ANKDD1B: variants seen among roughly 807,000 people sequenced by gnomAD.
ANKDD1B encodes the protein ankyrin repeat and death domain-containing protein 1B.
In ANKDD1B, 57 loss-of-function variants were observed where a neutral mutation model predicts 59.7. The observed-to-expected ratio is 0.95, with a 90% CI of 0.77 to 1.19. ANKDD1B has a LOEUF of 1.19. Among genes scored for constraint, ANKDD1B ranks in the 50% most tolerant of loss-of-function variants. The pLI, the probability that ANKDD1B is intolerant of heterozygous loss-of-function variation, is 0.00. For missense variants in ANKDD1B, 602 were observed against 641.9 expected (o/e 0.94, Z 0.67); for synonymous variants, 216 against 239.5 (o/e 0.90, Z 0.91).
At chr5:75,613,673 TGAAGAA>T (rs373654538) in intron 1 of ANKDD1B, among the ~76,000 whole-genome samples, 1 of 152,192 alleles carries the variant, frequency 6.6e-6, no homozygotes, top group Non-Finnish European at 1.5e-5. Context: ...TATGACATGT[TGAAGAA>T]GGGAAGACTA....
intron 7 of ANKDD1B, among the ~76,000 whole-genome samples, chr5:75,650,491 G>T (rs1774799873): frequency 1.3e-5 from 2 of 152,074 alleles, no homozygotes; most frequent in South Asian, 2.1e-4. Context: ...TAGCCCAGTG[G>T]GATCCATTTC....
intron 10 of ANKDD1B, among the ~76,000 whole-genome samples, chr5:75,661,368 G>A (rs1775137366): frequency 8.7e-6 from 1 of 114,826 alleles, no homozygotes; most frequent in East Asian, 3.1e-4. Context: ...GTGCACTCCA[G>A]TCTGGGTGAA....
chr5:75,652,368 A>G lies in ANKDD1B; in HGVS notation c.799-774A>G, dbSNP rs372668461. On this transcript the variant is annotated intron_variant, in intron 7 of 13. Transcript: ENST00000601380. ...AGACACTTAGAAAAAAACAATTAGG[A>G]AAAAACCACAATTGCTTTTGTACCA... 2.0e-3 allele frequency among the ~76,000 whole-genome samples: 300 copies of G among 152,278 alleles called. 1 individual carries two copies. The highest frequency in any genetic ancestry group is 7.0e-3 in the African/African-American group (289 of 41,574).
At chr5:75,617,953 G>T (rs1773755297) in intron 2 of ANKDD1B, among the ~76,000 whole-genome samples, 1 of 152,046 alleles carries the variant, frequency 6.6e-6, no homozygotes, top group Non-Finnish European at 1.5e-5. Flanking sequence ...GTGTGGCTTT[G>T]TGCTTATGTG....
chr5:75,618,945 C>T (rs1483414150), intron 2 of ANKDD1B, among the ~76,000 whole-genome samples: 1 of 152,162 alleles, frequency 6.6e-6, no homozygotes, highest in Admixed American at 6.5e-5. Flanking sequence ...AGGGTTTCAC[C>T]ATGTTGGCCA....
At chr5:75,637,394 T>C (rs1774347699) in intron 7 of ANKDD1B, among the ~76,000 whole-genome samples, 1 of 152,072 alleles carries the variant, frequency 6.6e-6, no homozygotes, top group African/African-American at 2.4e-5. Context: ...AGTAACTTTT[T>C]GTCTGGCTGT....
intron 7 of ANKDD1B, among the ~76,000 whole-genome samples, chr5:75,638,349 AATATTATCTTTTTGG>A (rs1774371304): frequency 6.6e-6 from 1 of 152,178 alleles, no homozygotes; most frequent in African/African-American, 2.4e-5. Context: ...CAGTGATAAT[AATATTATCTTTTTGG>A]ATATCATTCA....
chr5:75,641,709 ATTCC>A (rs1774468850), intron 7 of ANKDD1B, among the ~76,000 whole-genome samples: 2 of 152,276 alleles, frequency 1.3e-5, no homozygotes, highest in African/African-American at 4.8e-5. Flanking sequence ...GCAAGAATAA[ATTCC>A]CAATCAAGAA....
Position 75,616,806 on chromosome 5 carries a change from C to T in ANKDD1B, c.196C>T (p.Leu66Phe), listed in dbSNP as rs763610416. The change falls in exon 2 of 14, where the codon CTC (leucine) becomes TTC (phenylalanine). Residue 66 changes from leucine to phenylalanine, a missense_variant and splice_region_variant. By Grantham distance (22) the Leu-to-Phe change is conservative. Around this residue, in one of 3 missense-constraint regions of ANKDD1B, gnomAD observed 317 missense variants for 304.6 expected, o/e 1.04. Coordinates refer to ENST00000601380, the MANE Select transcript of ANKDD1B (RefSeq NM_001276713.2). The part of the protein sequence containing the change: ...DTAVAGHELL[L>F]PNERSFQNAA... ...ATGCTTGCTTTGCTTTCTTTCAGTA[C>T]TCCCAAATGAGAGAAGCTTTCAGAA... 195 of 1,490,922 alleles carry T rather than the reference C, an allele frequency of 1.3e-4. No homozygotes were observed. The Admixed American group carries it at 3.9e-3, about 30-fold the overall frequency. 92.4% of individuals were successfully genotyped at this position (1,490,922 alleles called of 1,614,324 possible).
chr5:75,625,992 C>A, intron 5 of ANKDD1B, 37 bp downstream of exon 5: 1 of 1,380,148 alleles, frequency 7.2e-7, no homozygotes, highest in Non-Finnish European at 9.9e-7. Flanking sequence ...TTGCATACAC[C>A]CCTATCAAAT....
In ANKDD1B at chr5:75,611,648, G is replaced by C; in HGVS notation, c.14G>C (p.Gly5Ala). 1 of 1,231,312 alleles carries C rather than the reference G, an allele frequency of 8.1e-7. No homozygotes were observed. The highest frequency in any genetic ancestry group is 1.0e-6 in the Non-Finnish European group (1 of 987,808). The allele number at this position is 1,231,312 out of a possible 1,614,324, so 76.3% of individuals were successfully genotyped here. The change falls in exon 1 of 14, where the codon GGG becomes GCG. Residue 5 changes from glycine to alanine, a missense_variant. Gly to Ala is a moderately conservative substitution (Grantham distance 60). Coordinates refer to ENST00000601380, the MANE Select transcript of ANKDD1B (RefSeq NM_001276713.2). ...GCGGAGGAGACTATGGACCCCGCCGGGCGCGCCCGGGGCCAAGGGGCCACG... is the reference window on the plus strand; with the variant it reads ...GCGGAGGAGACTATGGACCCCGCCGCGCGCGCCCGGGGCCAAGGGGCCACG... MDPA[G>A]RARGQGATAG...
At chr5:75,625,233 G>T (rs182137514) in intron 3 of ANKDD1B, among the ~76,000 whole-genome samples, 15 of 152,070 alleles carry the variant, frequency 9.9e-5, no homozygotes, top group East Asian at 5.8e-4. Context: ...CCATATGTAA[G>T]TGTGCTTCAT....
chr5:75,634,185 A>G (rs1455320117), intron 5 of ANKDD1B, among the ~76,000 whole-genome samples: 2 of 152,214 alleles, frequency 1.3e-5, no homozygotes, highest in African/African-American at 4.8e-5. Flanking sequence ...TTGGCTATGG[A>G]AAATATAGTC....
chr5:75,623,868 T>G (rs1165343968), intron 3 of ANKDD1B, among the ~76,000 whole-genome samples: 1 of 152,214 alleles, frequency 6.6e-6, no homozygotes, highest in African/African-American at 2.4e-5. Flanking sequence ...TTTAGAGTTA[T>G]GCCTCAATAA....
chr5:75,630,496 G>A (rs910476157), intron 5 of ANKDD1B, among the ~76,000 whole-genome samples: 1 of 152,196 alleles, frequency 6.6e-6, no homozygotes, highest in African/African-American at 2.4e-5. Flanking sequence ...TTCATCTGTG[G>A]TAACTGTAGT....
chr5:75,671,205 TA>T lies in ANKDD1B; in HGVS notation c.*170del, dbSNP rs1775473508. Reference sequence around the variant, plus strand: ...TAATACCATGATACTTTTCAACCACTAAAAAGTCAAATATAGTTTTTTTTGC... The same window carrying T: ...TAATACCATGATACTTTTCAACCACTAAAAGTCAAATATAGTTTTTTTTGC... On this transcript the variant is annotated 3_prime_UTR_variant, in exon 14 of 14. Transcript: ENST00000601380. 2.6e-6 allele frequency: 1 copy of T among 386,188 alleles called. No individual in the cohort carries two copies. 23.9% of individuals were successfully genotyped at this position (386,188 alleles called of 1,614,324 possible). A position where few individuals can be genotyped will look rare whatever the true frequency, so the allele number is the denominator to read the frequency against.
Position 75,619,626 on chromosome 5 carries a change from T to C in ANKDD1B, c.298-689T>C, listed in dbSNP as rs72768366. ...ACATCTTATTTGGGAGCAAAAGCAG[T>C]GTCTAGAATATGGGGAATATGACAC... On this transcript the variant is annotated intron_variant, in intron 2 of 13. Transcript: ENST00000601380. Among the ~76,000 whole-genome samples, 396 of 152,326 alleles carry C rather than the reference T, an allele frequency of 2.6e-3. 2 individuals carry two copies. Among genetic ancestry groups the C allele is most frequent in the Admixed American group, 4.2e-3 (64 of 15,304 alleles).
chr5:75,661,440 C>A (rs1225748522), intron 10 of ANKDD1B, among the ~76,000 whole-genome samples: 1 of 139,444 alleles, frequency 7.2e-6, no homozygotes, highest in Non-Finnish European at 1.5e-5. Context: ...CACAGGCCCA[C>A]TGTGGACGAT....
intron 10 of ANKDD1B, among the ~76,000 whole-genome samples, 171 bp from the exon 11 acceptor site, chr5:75,663,223 C>G (rs971818409): frequency 3.9e-5 from 6 of 152,174 alleles, no homozygotes; most frequent in Non-Finnish European, 8.8e-5. Context: ...TTACCCCTGA[C>G]CACTCCACTA....
Sources: gnomAD v4.1 joint callset for allele counts (sites outside exome capture counted in the v4.1 genomes callset) on GRCh38, gnomAD v4.1.1 for gene constraint, gnomAD v4.1.1 regional missense constraint, MANE v1.5 for transcripts, NCBI Gene and HGNC (gene_info 2026-07-23, HGNC 2026-07-21) for gene names.